Variants in SSU72 observed in about 807,000 individuals in gnomAD.
The protein encoded by SSU72 is RNA polymerase II subunit A C-terminal domain phosphatase SSU72.
SSU72 carries 12 observed loss-of-function variants against 22.7 expected under a neutral mutation model. The ratio of observed to expected loss-of-function variants is 0.53; its 90% CI spans 0.34 to 0.86. The LOEUF (loss-of-function observed/expected upper bound fraction) is 0.86, where lower values mean the gene tolerates loss of function less well. SSU72 is among the 40% of genes least tolerant of loss of function. The probability of loss-of-function intolerance (pLI) is 0.02; values close to 1 mark genes in which losing one functional copy is unlikely to be tolerated. For missense variants in SSU72, 151 were observed against 249.8 expected (o/e 0.60, Z 2.67); for synonymous variants, 116 against 98.3 (o/e 1.18, Z -1.06).
At chr1:1,560,827 AT>A (rs1458561935) in intron 2 of SSU72, 4 of 152,370 alleles carry the variant, frequency 2.6e-5, no homozygotes, top group East Asian at 1.9e-4. Context: ...ATCTAAAAAA[AT>A]AATAATAATA....
At chr1:1,544,787 T>C (rs1642371634) in intron 3 of SSU72, 76 bp downstream of exon 3, 7 of 1,603,022 alleles carry the variant, frequency 4.4e-6, no homozygotes, top group Non-Finnish European at 6.0e-6. Flanking sequence ...GTACTGGTCA[T>C]GGTGGGGCCC....
chr1:1,572,773 T>C (rs934624744), intron 1 of SSU72, among the ~76,000 whole-genome samples: 5 of 148,236 alleles, frequency 3.4e-5, no homozygotes, highest in South Asian at 4.3e-4. Context: ...ATCTTTGTTA[T>C]GCAGGTACAG....
At chr1:1,574,449 C>T (rs763099407) in intron 1 of SSU72, 29 bp downstream of exon 1, 1 of 1,575,942 alleles carries the variant, frequency 6.3e-7, no homozygotes, top group South Asian at 1.2e-5. Context: ...CGGAGCAGAG[C>T]GCGCGGGGAC....
chr1:1,565,233 C>A (rs1396392009), intron 1 of SSU72, among the ~76,000 whole-genome samples: 6 of 152,054 alleles, frequency 3.9e-5, no homozygotes, highest in African/African-American at 1.4e-4. Flanking sequence ...ATTAGCCGGG[C>A]GCGGTGGCGG....
chr1:1,564,456 C>A, intron 2 of SSU72: 1 of 1,468,506 alleles, frequency 6.8e-7, no homozygotes, highest in Non-Finnish European at 9.0e-7. Context: ...GTGTGAAAAG[C>A]AATGGGATTT....
intron 2 of SSU72, among the ~76,000 whole-genome samples, chr1:1,555,320 G>A (rs993387282): frequency 1.2e-4 from 19 of 152,224 alleles, no homozygotes; most frequent in Admixed American, 8.5e-4. Flanking sequence ...CCTCGGCGGC[G>A]CTGGTGGAGC....
chr1:1,558,179 C>A (rs561398195), intron 2 of SSU72, among the ~76,000 whole-genome samples: 21 of 142,020 alleles, frequency 1.5e-4, no homozygotes, highest in Non-Finnish European at 2.4e-4. Context: ...CCAGCCTGGG[C>A]AACAGAGTGA....
Position 1,542,400 on chromosome 1 carries a change from C to G in SSU72, c.484-233G>C, listed in dbSNP as rs1387932500. ...TCACAGGACCTGAAGCTGGGAGGAGCTGGGAGGAGCCTGGAGCTGGATTCT... is the reference window on the plus strand; with the variant it reads ...TCACAGGACCTGAAGCTGGGAGGAGGTGGGAGGAGCCTGGAGCTGGATTCT... On this transcript the variant is annotated intron_variant, in intron 4 of 4. Transcript: ENST00000291386. This position sits in a 1 kb window ranked among gnomAD's most constrained non-coding sequence, Gnocchi z 4.4. Among the ~76,000 whole-genome samples, 2 of 152,138 alleles carry G rather than the reference C, an allele frequency of 1.3e-5. No homozygotes were observed. The highest frequency in any genetic ancestry group is 2.9e-5 in the Non-Finnish European group (2 of 68,028).
chr1:1,570,374 C>T (rs985093814), intron 1 of SSU72, among the ~76,000 whole-genome samples: 4 of 151,408 alleles, frequency 2.6e-5, no homozygotes, highest in Non-Finnish European at 5.9e-5. Context: ...CATGGAAGAA[C>T]ACCCTGCCGA....
rs1419848706 is a variant in SSU72, at chr1:1,555,800, C to T, written c.224+8973G>A. On this transcript the variant is annotated intron_variant, in intron 2 of 4. Coordinates refer to ENST00000291386, the MANE Select transcript of SSU72 (RefSeq NM_014188.3). ...ACTGCTTGAGTTCAGGAATCCAAGA[C>T]CAGCCTGGGCAACAGGGCGAAACCT... Among the ~76,000 whole-genome samples, 3 of 151,152 alleles carry T rather than the reference C, an allele frequency of 2.0e-5. No homozygotes were observed. In the East Asian group the frequency reaches 6.0e-4, roughly 30 times the overall value.
chr1:1,543,931 T>C lies in SSU72; in HGVS notation c.421A>G (p.Ile141Val). The C allele has an allele frequency of 1.2e-6, 2 of 1,614,124 alleles. No homozygotes were observed. The highest frequency in any genetic ancestry group is 1.7e-5 in the Admixed American group (1 of 60,022). The change falls in exon 4 of 5, where the codon ATC becomes GTC. Residue 141 changes from isoleucine to valine, a missense_variant. Physicochemically the swap from Ile to Val is conservative, Grantham distance 29 (BLOSUM62 3). Transcript: ENST00000291386. The part of the protein sequence containing the change: ...CQPVHVVNVD[I>V]QDNHEEATLG... ...GTGGCCTCCTCGTGGTTGTCCTGGA[T>C]GTCCACATTGACCACGTGCACAGGC...
At chr1:1,552,939 T>C (rs1642470168) in intron 2 of SSU72, among the ~76,000 whole-genome samples, 1 of 149,126 alleles carries the variant, frequency 6.7e-6, no homozygotes, top group South Asian at 2.1e-4. Flanking sequence ...GAGAAACTAT[T>C]GAACCCACGA....
At chr1:1,568,495 T>C (rs1039405958) in intron 1 of SSU72, among the ~76,000 whole-genome samples, 3 of 151,648 alleles carry the variant, frequency 2.0e-5, no homozygotes, top group African/African-American at 7.3e-5. Context: ...TCCCAGTTAC[T>C]CCGGAGGCTG....
chr1:1,562,535 A>G (rs1642607240), intron 2 of SSU72: 1 of 152,308 alleles, frequency 6.6e-6, no homozygotes, highest in African/African-American at 2.4e-5. Context: ...GCCCTAAACC[A>G]GACTCCTGGA....
Position 1,564,935 on chromosome 1 carries a change from GA to G in SSU72, c.81-20del, listed in dbSNP as rs770070251. The G allele has an allele frequency of 7.6e-6, 12 of 1,576,662 alleles. No homozygotes were observed. The South Asian group carries it at 8.3e-5, about 11-fold the overall frequency. Reference sequence around the variant, plus strand: ...CCGTTTGCTGAAAGACAAAAGGAGAGAAAGAATCACAGTCACACTAAGACAC... The same window carrying G: ...CCGTTTGCTGAAAGACAAAAGGAGAGAAGAATCACAGTCACACTAAGACAC... On this transcript the variant is annotated intron_variant, in intron 1 of 4. Coordinates refer to ENST00000291386, the MANE Select transcript of SSU72 (RefSeq NM_014188.3).
In SSU72 at chr1:1,556,438, G is replaced by A. The variant is rs141102886; in HGVS notation, c.224+8335C>T. Among the ~76,000 whole-genome samples the A allele has an allele frequency of 3.5e-3, 525 of 152,140 alleles. 3 individuals carry two copies. The highest frequency in any genetic ancestry group is 0.012 in the African/African-American group (494 of 41,508). ...GCCCGTAATCCCAGCTACTTGCGGGGGCTGAGGCAGGAGAATCGCTTGAAC... is the reference window on the plus strand; with the variant it reads ...GCCCGTAATCCCAGCTACTTGCGGGAGCTGAGGCAGGAGAATCGCTTGAAC... On this transcript the variant is annotated intron_variant, in intron 2 of 4. Transcript: ENST00000291386.
intron 2 of SSU72, among the ~76,000 whole-genome samples, chr1:1,557,940 G>A (rs569936304): frequency 6.6e-6 from 1 of 152,242 alleles, no homozygotes; most frequent in South Asian, 2.1e-4. Context: ...GCCAGGTGCA[G>A]TGGCAACCCC....
intron 1 of SSU72, among the ~76,000 whole-genome samples, chr1:1,571,809 A>T (rs1445265434): frequency 1.3e-5 from 2 of 150,582 alleles, no homozygotes; most frequent in Admixed American, 6.6e-5. Flanking sequence ...TTTTTTTGAG[A>T]CAGAGTCTCG....
chr1:1,543,597 T>G (rs1642352007), intron 4 of SSU72, among the ~76,000 whole-genome samples: 1 of 150,540 alleles, frequency 6.6e-6, no homozygotes, highest in Non-Finnish European at 1.5e-5. Flanking sequence ...TCTCGGCCAC[T>G]CCCCTCTGTC....
Sources: allele counts gnomAD v4.1 joint callset (sites outside exome capture counted in the v4.1 genomes callset), GRCh38; gene constraint gnomAD v4.1.1; non-coding constraint Gnocchi (gnomAD v3.1); transcripts MANE v1.5; gene names NCBI Gene and HGNC (gene_info 2026-07-23, HGNC 2026-07-21).